The following SLC39A11 variants were observed in gnomAD, a reference collection of about 807,000 sequenced individuals.
The protein encoded by SLC39A11 is solute carrier family 39 member 11, also known as zinc transporter ZIP11.
SLC39A11 carries 33 observed loss-of-function variants against 36.1 expected under a neutral mutation model. The observed-to-expected ratio is 0.91, with a 90% CI of 0.69 to 1.22. The LOEUF is 1.22. Among genes scored for constraint, SLC39A11 ranks in the 50% most tolerant of loss-of-function variants. The pLI is 0.00. For missense variants in SLC39A11, 432 were observed against 430.3 expected, an observed-to-expected ratio of 1.00 and a Z score of -0.03; for synonymous variants, 166 against 170.3, an observed-to-expected ratio of 0.97 and a Z score of 0.20.
intron 3 of SLC39A11, chr17:73,068,032 G>A: frequency 1.3e-6 from 2 of 1,587,406 alleles, no homozygotes; most frequent in South Asian, 1.1e-5. Flanking sequence ...TTTTGATGAA[G>A]TCAATGAGTC....
At chr17:72,971,679 C>T (rs1293727337) in intron 4 of SLC39A11, among the ~76,000 whole-genome samples, 5 of 152,144 alleles carry the variant, frequency 3.3e-5, no homozygotes. Flanking sequence ...GGCCGGGCCG[C>T]CCCCCAGGAG....
chr17:73,039,348 C>T (rs2059032893), intron 3 of SLC39A11, among the ~76,000 whole-genome samples: 1 of 152,164 alleles, frequency 6.6e-6, no homozygotes, highest in African/African-American at 2.4e-5. Flanking sequence ...AGATTCATCA[C>T]TCGTGTCCAT....
At chr17:72,657,949 C>T (rs1440975304) in intron 7 of SLC39A11, among the ~76,000 whole-genome samples, 4 of 152,208 alleles carry the variant, frequency 2.6e-5, no homozygotes, top group South Asian at 2.1e-4. Flanking sequence ...TGGGTCCTTG[C>T]GGGCTGCTGT....
rs951611263 is a variant in SLC39A11 at position 72,767,702 on chromosome 17, C to T, written c.602-30983G>A. The stretch of plus-strand genomic sequence containing the variant: ...ATGCCTGTGTACGTTCCCTTCATTA[C>T]CTTACAAATCTCCAGCACCAAAGTG... On this transcript the variant is annotated intron_variant, in intron 6 of 9. Coordinates refer to ENST00000255559, the MANE Select transcript of SLC39A11 (RefSeq NM_139177.4). Among the ~76,000 whole-genome samples, 3 of 152,282 alleles carry T rather than the reference C, an allele frequency of 2.0e-5. No homozygotes were observed. The East Asian group carries it at 5.8e-4, about 29-fold the overall frequency.
chr17:72,968,215 C>T (rs58939095), intron 4 of SLC39A11, among the ~76,000 whole-genome samples: 13,116 of 152,202 alleles, frequency 0.086, 865 homozygotes, highest in African/African-American at 0.18. Context: ...GAAGGGAAGA[C>T]ATCAGTTCTA....
intron 7 of SLC39A11, among the ~76,000 whole-genome samples, chr17:72,673,429 C>T (rs1436924297): frequency 6.6e-6 from 1 of 152,096 alleles, no homozygotes; most frequent in East Asian, 1.9e-4. Context: ...TCTTCTTTTG[C>T]CAACACTGAG....
chr17:72,873,251 C>G (rs2080738105), intron 5 of SLC39A11, among the ~76,000 whole-genome samples: 1 of 151,950 alleles, frequency 6.6e-6, no homozygotes, highest in African/African-American at 2.4e-5. Flanking sequence ...AAACCTATAC[C>G]AAGAAACTGA....
intron 5 of SLC39A11, among the ~76,000 whole-genome samples, chr17:72,865,397 G>GA (rs143222396): frequency 0.061 from 5,432 of 89,214 alleles, 111 homozygotes; most frequent in Middle Eastern, 0.11. Flanking sequence ...GGTCTCTGAA[G>GA]AAAAAAACTG....
chr17:72,891,739 A>T (rs2081756079), intron 5 of SLC39A11, among the ~76,000 whole-genome samples: 1 of 151,964 alleles, frequency 6.6e-6, no homozygotes, highest in Admixed American at 6.6e-5. Flanking sequence ...CATACATATA[A>T]GTGCATATAT....
At chr17:72,927,202 A>G (rs1489663922) in intron 5 of SLC39A11, among the ~76,000 whole-genome samples, 1 of 151,770 alleles carries the variant, frequency 6.6e-6, no homozygotes. Flanking sequence ...GCACACCACC[A>G]TGCCCAGCTA....
chr17:72,873,346 C>T (rs1474600822), intron 5 of SLC39A11, among the ~76,000 whole-genome samples: 1 of 152,150 alleles, frequency 6.6e-6, no homozygotes, highest in African/African-American at 2.4e-5. Context: ...ATCCCTGAGC[C>T]AACTAATCAC....
intron 6 of SLC39A11, among the ~76,000 whole-genome samples, chr17:72,785,527 T>C (rs1240944771): frequency 2.0e-5 from 3 of 152,142 alleles, no homozygotes; most frequent in South Asian, 4.1e-4. Context: ...TGAAAGATGG[T>C]TCATGATGTC....
intron 3 of SLC39A11, among the ~76,000 whole-genome samples, chr17:73,051,555 G>C (rs2059499468): frequency 6.6e-6 from 1 of 151,060 alleles, no homozygotes; most frequent in East Asian, 2.0e-4. Context: ...TAGGAAGTGA[G>C]GGGGAGCCGT....
chr17:72,949,904 GTTCC>G (rs1394111689), intron 4 of SLC39A11, among the ~76,000 whole-genome samples: 1 of 150,900 alleles, frequency 6.6e-6, no homozygotes, highest in Non-Finnish European at 1.5e-5. Flanking sequence ...TCTTGGATAA[GTTCC>G]TTTCATGAAG....
At chr17:72,780,793 G>C (rs1306435987) in intron 6 of SLC39A11, among the ~76,000 whole-genome samples, 1 of 152,106 alleles carries the variant, frequency 6.6e-6, no homozygotes, top group African/African-American at 2.4e-5. Context: ...TTTGAGACCA[G>C]CCTGACCAAC....
At chr17:72,975,814 C>T (rs978046989) in intron 4 of SLC39A11, among the ~76,000 whole-genome samples, 1 of 152,132 alleles carries the variant, frequency 6.6e-6, no homozygotes, top group Admixed American at 6.6e-5. Context: ...AGTAAGGCTA[C>T]AGCAGGTATG....
intron 5 of SLC39A11, among the ~76,000 whole-genome samples, chr17:72,880,434 T>C (rs1410554917): frequency 6.6e-6 from 1 of 151,860 alleles, no homozygotes; most frequent in Non-Finnish European, 1.5e-5. Context: ...CTGTTGGGCA[T>C]GATGGTGCAT....
intron 3 of SLC39A11, among the ~76,000 whole-genome samples, chr17:73,073,319 C>A (rs2060221154): frequency 6.6e-6 from 1 of 152,192 alleles, no homozygotes; most frequent in African/African-American, 2.4e-5. Flanking sequence ...CAGTGGGTGC[C>A]CCATAGCACC....
intron 3 of SLC39A11, 43 bp from the exon 4 acceptor site, chr17:73,031,757 G>T (rs754166896): frequency 6.2e-7 from 1 of 1,602,110 alleles, no homozygotes; most frequent in Non-Finnish European, 8.5e-7. Flanking sequence ...AGCAACTGCA[G>T]AAGGCTTTCC....
Sources: gnomAD v4.1 joint callset for allele counts (sites outside exome capture counted in the v4.1 genomes callset) on GRCh38, gnomAD v4.1.1 for gene constraint, MANE v1.5 for transcripts, NCBI Gene and HGNC (gene_info 2026-07-23, HGNC 2026-07-21) for gene names.